PTPRN2: variants seen among roughly 807,000 people sequenced by gnomAD.
The protein encoded by PTPRN2 is receptor-type tyrosine-protein phosphatase N2.
PTPRN2 carries 74 observed loss-of-function variants against 118.8 expected under a neutral mutation model. The ratio of observed to expected loss-of-function variants is 0.62; its 90% CI spans 0.52 to 0.76. PTPRN2 has a LOEUF of 0.76. PTPRN2 is among the 30% of genes least tolerant of loss of function. The probability of loss-of-function intolerance (pLI) is 0.00; values close to 1 mark genes in which losing one functional copy is unlikely to be tolerated. For missense variants in PTPRN2, 1,481 were observed against 1,394.4 expected, an observed-to-expected ratio of 1.06 and a Z score of -0.99; for synonymous variants, 641 against 608.0, an observed-to-expected ratio of 1.05 and a Z score of -0.80.
chr7:157,978,275 G>A (rs1429067934), intron 11 of PTPRN2, among the ~76,000 whole-genome samples: 3 of 151,934 alleles, frequency 2.0e-5, no homozygotes, highest in African/African-American at 7.2e-5. Flanking sequence ...TGGTGCTGCC[G>A]CCATCTCCGC....
intron 10 of PTPRN2, among the ~76,000 whole-genome samples, chr7:158,096,128 A>G (rs756235836): frequency 5.3e-5 from 8 of 152,222 alleles, no homozygotes; most frequent in Admixed American, 1.3e-4. Context: ...TCCAGCTAAC[A>G]TGTATTGCAA....
At chr7:157,685,112 G>T (rs1307613718) in intron 12 of PTPRN2, among the ~76,000 whole-genome samples, 1 of 151,890 alleles carries the variant, frequency 6.6e-6, no homozygotes, top group Non-Finnish European at 1.5e-5. Context: ...CGCGGGTCCC[G>T]CCTGGCCTTG....
chr7:157,692,331 TCTCCC>T (rs1797545872), intron 12 of PTPRN2, among the ~76,000 whole-genome samples: 1 of 152,050 alleles, frequency 6.6e-6, no homozygotes, highest in Non-Finnish European at 1.5e-5. Flanking sequence ...GCTTCCACAG[TCTCCC>T]CTCCCCTCCC....
chr7:158,363,146 C>A (rs577867120), intron 2 of PTPRN2, among the ~76,000 whole-genome samples: 3 of 152,320 alleles, frequency 2.0e-5, no homozygotes, highest in Admixed American at 1.3e-4. Flanking sequence ...CCATGGACAG[C>A]AGCTCGCCAG....
chr7:158,248,441 T>C (rs1433411677), intron 3 of PTPRN2, among the ~76,000 whole-genome samples: 2 of 152,200 alleles, frequency 1.3e-5, no homozygotes, highest in Non-Finnish European at 2.9e-5. Context: ...GTTTCTCATT[T>C]ACTTGAATTC....
intron 11 of PTPRN2, among the ~76,000 whole-genome samples, chr7:157,960,267 T>C (rs1351456522): frequency 1.3e-5 from 2 of 152,190 alleles, no homozygotes; most frequent in African/African-American, 4.8e-5. Context: ...GATGGTTGCA[T>C]GACACTGTGA....
In PTPRN2 at chr7:158,122,425, C is replaced by T. The variant is rs577384581; in HGVS notation, c.1556+11252G>A. Among the ~76,000 whole-genome samples the T allele has an allele frequency of 3.2e-3, 488 of 152,308 alleles. 7 individuals are homozygous for T. The highest frequency in any genetic ancestry group is 3.5e-3 in the South Asian group (17 of 4,828). On this transcript the variant is annotated intron_variant, in intron 9 of 22. Transcript: ENST00000389418. ...CTCTTCCACGGTGTCCTCTCAGCCC[C>T]GGCACAGTGCTGGGTCTTCCGTGTG...
chr7:157,985,660 C>T lies in PTPRN2; in HGVS notation c.1724-86923G>A, dbSNP rs80166038. ...CAGATCCATCACTGTGGTCCTGAAG[C>T]CTCTGTCCTTCTTCTGTTCTTTTAA... On this transcript the variant is annotated intron_variant, in intron 11 of 22. Coordinates refer to ENST00000389418, the MANE Select transcript of PTPRN2 (RefSeq NM_002847.5). Among the ~76,000 whole-genome samples the T allele has an allele frequency of 3.3e-5, 5 of 152,324 alleles. No homozygotes were observed. In the East Asian group the frequency reaches 9.6e-4, roughly 29 times the overall value.
intron 11 of PTPRN2, among the ~76,000 whole-genome samples, chr7:157,918,973 CT>C (rs1349290800): frequency 6.6e-6 from 1 of 152,186 alleles, no homozygotes. Flanking sequence ...ATGCCCCCAT[CT>C]TATTGATAAA....
At chr7:157,554,703 G>A (rs1012742494) in intron 21 of PTPRN2, among the ~76,000 whole-genome samples, 6 of 152,342 alleles carry the variant, frequency 3.9e-5, no homozygotes, top group African/African-American at 1.4e-4. Context: ...AAACAGTCGA[G>A]GAGTCAGCGC....
chr7:158,207,759 A>G (rs1484617751), intron 3 of PTPRN2, among the ~76,000 whole-genome samples: 1 of 152,214 alleles, frequency 6.6e-6, no homozygotes, highest in African/African-American at 2.4e-5. Flanking sequence ...AAGACTATCC[A>G]GGAAAACATG....
chr7:158,108,837 G>C (rs1815918708), intron 10 of PTPRN2, among the ~76,000 whole-genome samples: 2 of 152,262 alleles, frequency 1.3e-5, no homozygotes, highest in African/African-American at 4.8e-5. Flanking sequence ...CCCAGCTCCT[G>C]GTGCGAGGCC....
chr7:157,828,049 G>C (rs373280224), intron 12 of PTPRN2, among the ~76,000 whole-genome samples: 2 of 152,184 alleles, frequency 1.3e-5, no homozygotes, highest in African/African-American at 4.8e-5. Flanking sequence ...CTGCCTTCAC[G>C]GCCACGGAAG....
In PTPRN2 at chr7:157,845,031, C is replaced by G. The variant is rs889158923; in HGVS notation, c.1788+53642G>C. On this transcript the variant is annotated intron_variant, in intron 12 of 22. Transcript: ENST00000389418. The surrounding 1 kb of genome is among the most constrained non-coding windows in gnomAD (Gnocchi z 4.5). ...TTGGGATCCACCTGGTGACACCTGC[C>G]TTATCTTCCAGGGTTTGCCCTTGGT... 1.8e-4 allele frequency among the ~76,000 whole-genome samples: 27 copies of G among 152,280 alleles called. No homozygotes were observed. The highest frequency in any genetic ancestry group is 6.5e-4 in the African/African-American group (27 of 41,552).
At position 157,676,307 on chromosome 7, in the gene PTPRN2, C is replaced by T. The variant is rs939948063; in HGVS notation, c.2001+6418G>A. Among the ~76,000 whole-genome samples, 10 of 152,090 alleles carry T rather than the reference C, an allele frequency of 6.6e-5. No individual in the cohort carries two copies. Among genetic ancestry groups the T allele is most frequent in the African/African-American group, 2.2e-4 (9 of 41,404 alleles). On this transcript the variant is annotated intron_variant, in intron 13 of 22. Coordinates refer to ENST00000389418, the MANE Select transcript of PTPRN2 (RefSeq NM_002847.5). This position sits in a 1 kb window ranked among gnomAD's most constrained non-coding sequence, Gnocchi z 5.6. The stretch of plus-strand genomic sequence containing the variant: ...CTGCCCCAGCCACGCCTCCATCTCC[C>T]GCCAGCCGCCAAGAGCTCCACCCAC...
At chr7:158,231,364 C>A (rs539006212) in intron 3 of PTPRN2, among the ~76,000 whole-genome samples, 1 of 152,126 alleles carries the variant, frequency 6.6e-6, no homozygotes, top group African/African-American at 2.4e-5. Flanking sequence ...TCAAAGACTG[C>A]AAAAAGCAAC....
chr7:158,499,492 T>C (rs1822194941), intron 1 of PTPRN2, among the ~76,000 whole-genome samples: 1 of 152,208 alleles, frequency 6.6e-6, no homozygotes, highest in Non-Finnish European at 1.5e-5. Context: ...TGATTGGCCT[T>C]ATACAAATTA....
intron 12 of PTPRN2, among the ~76,000 whole-genome samples, chr7:157,760,750 T>C (rs947680726): frequency 6.6e-6 from 1 of 152,206 alleles, no homozygotes; most frequent in African/African-American, 2.4e-5. Flanking sequence ...GATTTTTGTA[T>C]ATTGATTTTG....
intron 4 of PTPRN2, among the ~76,000 whole-genome samples, chr7:158,203,618 C>T (rs900480561): frequency 2.0e-5 from 3 of 152,018 alleles, no homozygotes; most frequent in African/African-American, 7.3e-5. Context: ...TGAGGAGGAG[C>T]CATCCCTTGC....
Sources: gnomAD v4.1 joint callset for allele counts (sites outside exome capture counted in the v4.1 genomes callset) on GRCh38, gnomAD v4.1.1 for gene constraint, Gnocchi (gnomAD v3.1) non-coding constraint, MANE v1.5 for transcripts, NCBI Gene and HGNC (gene_info 2026-07-23, HGNC 2026-07-21) for gene names.